Variants in DPP10 observed in about 807,000 individuals in gnomAD.
The protein encoded by DPP10 is dipeptidyl peptidase like 10.
DPP10 carries 33 observed loss-of-function variants against 120.9 expected under a neutral mutation model. The observed-to-expected ratio is 0.27, with a 90% CI of 0.21 to 0.37. DPP10 has a LOEUF of 0.37. DPP10 is among the 10% of genes least tolerant of loss of function. The pLI, the probability that DPP10 is intolerant of heterozygous loss-of-function variation, is 1.00. For missense variants in DPP10, 816 were observed against 942.8 expected, an observed-to-expected ratio of 0.87 and a Z score of 1.76; for synonymous variants, 337 against 326.1, an observed-to-expected ratio of 1.03 and a Z score of -0.36.
At chr2:114,950,703 T>A (rs185003031) in intron 1 of DPP10, among the ~76,000 whole-genome samples, 15 of 152,282 alleles carry the variant, frequency 9.9e-5, no homozygotes, top group Non-Finnish European at 1.8e-4. Flanking sequence ...AGGGACTGTA[T>A]TAACAGAAGA....
intron 1 of DPP10, among the ~76,000 whole-genome samples, chr2:114,667,037 A>G (rs1697977449): frequency 6.6e-6 from 1 of 152,206 alleles, no homozygotes. Context: ...GAGGCCACAT[A>G]CTTTGCCTTT....
At chr2:114,924,728 A>G (rs921280353) in intron 1 of DPP10, among the ~76,000 whole-genome samples, 1 of 152,156 alleles carries the variant, frequency 6.6e-6, no homozygotes, top group Non-Finnish European at 1.5e-5. Flanking sequence ...TCCTTGGGAT[A>G]GATTTCCCAA....
intron 1 of DPP10, among the ~76,000 whole-genome samples, chr2:114,466,735 G>T: frequency 6.6e-6 from 1 of 152,116 alleles, no homozygotes; most frequent in East Asian, 1.9e-4. Flanking sequence ...GTAAGCAATT[G>T]TCTGTTCGCT....
chr2:115,279,184 T>C (rs960137734), intron 1 of DPP10, among the ~76,000 whole-genome samples: 2 of 151,976 alleles, frequency 1.3e-5, no homozygotes, highest in Non-Finnish European at 2.9e-5. Context: ...ATCATTGATT[T>C]GACCAGAAAT....
At chr2:115,400,981 C>A (rs1155664) in intron 3 of DPP10, among the ~76,000 whole-genome samples, 121,092 of 152,096 alleles carry the variant, frequency 0.8, 48,614 homozygotes, top group Admixed American at 0.85. Context: ...AACAACTGAG[C>A]AAAACATTTG....
intron 3 of DPP10, among the ~76,000 whole-genome samples, chr2:115,369,577 G>T (rs1393293474): frequency 6.6e-6 from 1 of 152,054 alleles, no homozygotes; most frequent in Non-Finnish European, 1.5e-5. Context: ...CCAGTAAAAT[G>T]TTTGGGTGTT....
intron 2 of DPP10, among the ~76,000 whole-genome samples, chr2:115,332,549 C>T (rs1181137066): frequency 6.6e-6 from 1 of 152,060 alleles, no homozygotes; most frequent in Non-Finnish European, 1.5e-5. Flanking sequence ...CCTTCTTTCT[C>T]TTGTGGGCAT....
At chr2:114,849,286 T>C (rs1343311163) in intron 1 of DPP10, among the ~76,000 whole-genome samples, 1 of 152,156 alleles carries the variant, frequency 6.6e-6, no homozygotes, top group Admixed American at 6.5e-5. Context: ...TTCCCTTTGC[T>C]TTGCTGTCTT....
At chr2:115,286,540 T>TATATATATATATATAA (rs1559367032) in intron 1 of DPP10, among the ~76,000 whole-genome samples, 20 of 107,342 alleles carry the variant, frequency 1.9e-4, no homozygotes, top group Non-Finnish European at 3.1e-4. Context: ...TATATATATA[T>TATATATATATATATAA]AAAATATATA....
chr2:115,338,741 G>T (rs999160784), intron 2 of DPP10, among the ~76,000 whole-genome samples: 1 of 152,084 alleles, frequency 6.6e-6, no homozygotes, highest in Non-Finnish European at 1.5e-5. Context: ...AAATAAACCA[G>T]CAGACAAACA....
intron 1 of DPP10, among the ~76,000 whole-genome samples, chr2:114,656,747 A>G (rs915048921): frequency 6.6e-6 from 1 of 152,130 alleles, no homozygotes; most frequent in Non-Finnish European, 1.5e-5. Flanking sequence ...TGAAGAATGA[A>G]CAAATTAGAA....
chr2:115,161,882 G>T, intron 1 of DPP10: 1 of 1,376,198 alleles, frequency 7.3e-7, no homozygotes, highest in Non-Finnish European at 9.4e-7. Context: ...CCCGTGACCT[G>T]CGAACGCTGC....
At chr2:114,581,372 A>G (rs1318498273) in intron 1 of DPP10, among the ~76,000 whole-genome samples, 3 of 151,752 alleles carry the variant, frequency 2.0e-5, no homozygotes, top group East Asian at 1.9e-4. Flanking sequence ...TTTAGTAGAG[A>G]TGGAGTGTCA....
chr2:115,369,965 A>G (rs2065304881), intron 3 of DPP10, among the ~76,000 whole-genome samples: 1 of 152,120 alleles, frequency 6.6e-6, no homozygotes, highest in Non-Finnish European at 1.5e-5. Context: ...ATCAGTTTTC[A>G]GATTTGACTG....
chr2:114,732,836 G>A (rs979426795), intron 1 of DPP10, among the ~76,000 whole-genome samples: 1 of 152,076 alleles, frequency 6.6e-6, no homozygotes, highest in African/African-American at 2.4e-5. Flanking sequence ...AACATAGATT[G>A]CACTAGGAAT....
chr2:115,718,175 G>T lies in DPP10; in HGVS notation c.577-9641G>T, dbSNP rs1165846292. On this transcript the variant is annotated intron_variant, in intron 7 of 25. Transcript: ENST00000410059. ...TTTTCTAGCAAATTACTTACTACTA[G>T]CTTCCAGTAATTAAAAAAAAAAAAA... Among the ~76,000 whole-genome samples the T allele has an allele frequency of 5.1e-5, 5 of 98,916 alleles. No homozygotes were observed. The South Asian group carries it at 1.6e-3, about 31-fold the overall frequency. 64.9% of individuals were successfully genotyped at this position (98,916 alleles called of 152,430 possible).
intron 3 of DPP10, among the ~76,000 whole-genome samples, chr2:115,376,523 G>C (rs2065807591): frequency 6.6e-6 from 1 of 150,594 alleles, no homozygotes; most frequent in African/African-American, 2.4e-5. Context: ...GATTCTAATA[G>C]TCCCTTTCTT....
chr2:114,630,355 T>C (rs1017604597), intron 1 of DPP10, among the ~76,000 whole-genome samples: 2 of 152,184 alleles, frequency 1.3e-5, no homozygotes, highest in Admixed American at 6.5e-5. Context: ...TTTTTTATTC[T>C]GTCCAGTTCA....
chr2:115,582,957 C>T (rs1165931131), intron 5 of DPP10, among the ~76,000 whole-genome samples: 5 of 152,184 alleles, frequency 3.3e-5, no homozygotes, highest in African/African-American at 1.2e-4. Flanking sequence ...TTCTCTCTTC[C>T]CTATAATTAA....
Sources: gnomAD v4.1 joint callset for allele counts (sites outside exome capture counted in the v4.1 genomes callset) on GRCh38, gnomAD v4.1.1 for gene constraint, MANE v1.5 for transcripts, NCBI Gene and HGNC (gene_info 2026-07-23, HGNC 2026-07-21) for gene names.